COMMD10: variants seen among roughly 807,000 people sequenced by gnomAD.
COMMD10 encodes COMM domain containing 10.
Under a neutral mutation model 28.9 loss-of-function variants are expected in COMMD10, and 33 were observed. The ratio of observed to expected loss-of-function variants is 1.14; its 90% confidence interval spans 0.87 to 1.53. The LOEUF (loss-of-function observed/expected upper bound fraction) is 1.53, where lower values mean the gene tolerates loss of function less well. Among genes scored for constraint, COMMD10 ranks in the 40% most tolerant of loss-of-function variants. COMMD10 has a pLI of 0.00. For synonymous variants in COMMD10, 110 were observed against 81.7 expected (o/e 1.35, Z -1.87); for missense variants, 310 against 233.4 (o/e 1.33, Z -2.14).
chr5:116,110,346 C>G (rs1751003586), intron 4 of COMMD10, among the ~76,000 whole-genome samples: 1 of 152,060 alleles, frequency 6.6e-6, no homozygotes, highest in African/African-American at 2.4e-5. Flanking sequence ...TTCGTTGTGT[C>G]CTTGTCTGGT....
chr5:116,268,311 A>C (rs1750656683), intron 5 of COMMD10, among the ~76,000 whole-genome samples: 1 of 151,884 alleles, frequency 6.6e-6, no homozygotes, highest in Admixed American at 6.6e-5. Context: ...GACACTTCTC[A>C]AAAGAAGACA....
intron 5 of COMMD10, among the ~76,000 whole-genome samples, chr5:116,205,100 A>T (rs1009709893): frequency 3.9e-5 from 6 of 152,342 alleles, no homozygotes; most frequent in African/African-American, 1.4e-4. Flanking sequence ...GATTTCCTAG[A>T]TGGTCATGAT....
chr5:116,221,087 T>G (rs941738803), intron 5 of COMMD10, among the ~76,000 whole-genome samples: 1 of 151,912 alleles, frequency 6.6e-6, no homozygotes. Context: ...TACTCTTTTT[T>G]TTTTTTTTTT....
intron 4 of COMMD10, among the ~76,000 whole-genome samples, chr5:116,093,301 T>C (rs1192813661): frequency 6.6e-6 from 1 of 152,144 alleles, no homozygotes; most frequent in Non-Finnish European, 1.5e-5. Context: ...GTAATCACAC[T>C]GTAAATAAAA....
chr5:116,180,413 C>G (rs994946640), intron 5 of COMMD10, among the ~76,000 whole-genome samples: 5 of 152,010 alleles, frequency 3.3e-5, no homozygotes, highest in African/African-American at 1.2e-4. Context: ...TCCTAGGCCA[C>G]TGAAATGGAG....
chr5:116,282,101 G>T (rs1751084481), intron 5 of COMMD10, among the ~76,000 whole-genome samples: 1 of 151,814 alleles, frequency 6.6e-6, no homozygotes, highest in African/African-American at 2.4e-5. Context: ...TTTGGATCCT[G>T]CCCTTCTTCA....
In COMMD10 at chr5:116,087,582, C is replaced by A; in HGVS notation, c.127C>A (p.Leu43Met). ...LLTRILQKLH[L>M]KAESSFSEEE... ...CACTCGGATTCTTCAAAAACTTCAC[C>A]TGAAGGTTTGTATTTGTGTGTTTCC... The change falls in exon 2 of 7, where the codon CTG becomes ATG. Residue 43 changes from leucine to methionine, a missense_variant. Physicochemically the swap from Leu to Met is conservative, Grantham distance 15 (BLOSUM62 2). Coordinates refer to ENST00000274458, the MANE Select transcript of COMMD10 (RefSeq NM_016144.4). 1 of 1,595,848 alleles carries A rather than the reference C, an allele frequency of 6.3e-7. No individual in the cohort carries two copies. The highest frequency in any genetic ancestry group is 8.6e-7 in the Non-Finnish European group (1 of 1,163,394).
intron 5 of COMMD10, among the ~76,000 whole-genome samples, chr5:116,291,017 G>A (rs1751345942): frequency 6.6e-6 from 1 of 152,142 alleles, no homozygotes; most frequent in Non-Finnish European, 1.5e-5. Context: ...AACTTTTGCT[G>A]AGTCTATACA....
rs138741105 is a variant in COMMD10 at position 116,279,117 on chromosome 5, C to T, written c.511-12400C>T. Among the ~76,000 whole-genome samples the T allele has an allele frequency of 1.6e-3, 240 of 151,656 alleles. 4 individuals carry two copies. Among genetic ancestry groups the T allele is most frequent in the African/African-American group, 5.4e-3 (224 of 41,130 alleles). ...GCAATTGGAAGCACTGTTGGGAGAACACAAGAGACAACATGAAAAAAGACC... is the reference window on the plus strand; with the variant it reads ...GCAATTGGAAGCACTGTTGGGAGAATACAAGAGACAACATGAAAAAAGACC... On this transcript the variant is annotated intron_variant, in intron 5 of 6. Coordinates refer to ENST00000274458, the MANE Select transcript of COMMD10 (RefSeq NM_016144.4).
At chr5:116,269,232 C>A (rs989527403) in intron 5 of COMMD10, among the ~76,000 whole-genome samples, 3 of 151,834 alleles carry the variant, frequency 2.0e-5, no homozygotes. Flanking sequence ...TTATTATACA[C>A]TTTATTTCAA....
intron 2 of COMMD10, 85 bp downstream of exon 2, chr5:116,087,672 C>A: frequency 1.1e-6 from 1 of 887,156 alleles, no homozygotes; most frequent in Non-Finnish European, 1.9e-6. Flanking sequence ...TTTTGCAAAG[C>A]ATAGTGTTCT....
intron 5 of COMMD10, among the ~76,000 whole-genome samples, chr5:116,199,657 T>C (rs1163532688): frequency 6.6e-6 from 1 of 151,964 alleles, no homozygotes; most frequent in African/African-American, 2.4e-5. Context: ...CTGACCTGTC[T>C]CCTTTAACAT....
intron 5 of COMMD10, among the ~76,000 whole-genome samples, chr5:116,238,497 C>T (rs1246654193): frequency 2.6e-5 from 4 of 152,156 alleles, no homozygotes; most frequent in Non-Finnish European, 5.9e-5. Flanking sequence ...CTTAAATTCC[C>T]ATTAAGTTTT....
chr5:116,236,887 A>G (rs1237857793), intron 5 of COMMD10, among the ~76,000 whole-genome samples: 1 of 152,134 alleles, frequency 6.6e-6, no homozygotes, highest in Admixed American at 6.6e-5. Flanking sequence ...GATACTGATA[A>G]TAGTAGGGGT....
At chr5:116,114,869 A>G (rs1330720463) in intron 4 of COMMD10, among the ~76,000 whole-genome samples, 29 of 151,920 alleles carry the variant, frequency 1.9e-4, no homozygotes. Flanking sequence ...AGCCCTGCCC[A>G]GGTCAGGACC....
At chr5:116,279,640 T>C (rs1367499660) in intron 5 of COMMD10, among the ~76,000 whole-genome samples, 1 of 151,866 alleles carries the variant, frequency 6.6e-6, no homozygotes, top group African/African-American at 2.4e-5. Flanking sequence ...ACTAACTTTT[T>C]TTATTTGTTT....
intron 5 of COMMD10, among the ~76,000 whole-genome samples, chr5:116,282,127 A>G (rs1302754852): frequency 6.6e-6 from 1 of 151,910 alleles, no homozygotes. Flanking sequence ...GCAGCTCTTA[A>G]GAATTTCTAA....
intron 5 of COMMD10, among the ~76,000 whole-genome samples, chr5:116,205,817 A>G (rs572341779): frequency 6.6e-6 from 1 of 152,330 alleles, no homozygotes; most frequent in African/African-American, 2.4e-5. Flanking sequence ...TTTTTAATGT[A>G]AACATATTTT....
intron 5 of COMMD10, among the ~76,000 whole-genome samples, chr5:116,170,857 A>G (rs1580516080): frequency 6.6e-6 from 1 of 152,196 alleles, no homozygotes; most frequent in African/African-American, 2.4e-5. Flanking sequence ...AAAGACTTAA[A>G]CATAAGACCT....
Sources: allele counts gnomAD v4.1 joint callset (sites outside exome capture counted in the v4.1 genomes callset), GRCh38; gene constraint gnomAD v4.1.1; transcripts MANE v1.5; gene names NCBI Gene and HGNC (gene_info 2026-07-23, HGNC 2026-07-21).